Variants in FBN1 observed in about 807,000 individuals in gnomAD.
The protein encoded by FBN1 is fibrillin-1.
Under a neutral mutation model 365.1 loss-of-function variants are expected in FBN1, and 29 were observed. The ratio of observed to expected loss-of-function variants is 0.08; its 90% CI spans 0.06 to 0.11. The LOEUF (loss-of-function observed/expected upper bound fraction) is 0.11, where lower values mean the gene tolerates loss of function less well. Among genes scored for constraint, FBN1 ranks in the 10% least tolerant of loss-of-function variants. The pLI is 1.00. For synonymous variants in FBN1, 1,210 were observed against 1,270.5 expected (o/e 0.95, Z 1.01); for missense variants, 2,476 against 3,703.2 (o/e 0.67, Z 8.60).
chr15:48,462,914 T>A (rs2043290428), intron 42 of FBN1, among the ~76,000 whole-genome samples, 168 bp downstream of exon 42: 1 of 152,246 alleles, frequency 6.6e-6, no homozygotes, highest in African/African-American at 2.4e-5. Context: ...TGACTCAGTG[T>A]TCGGCTGGAA....
rs747274959 is a variant in FBN1 at position 48,494,257 on chromosome 15, G to A, written c.2678-3C>T. On this transcript the variant is annotated splice_polypyrimidine_tract_variant and splice_region_variant and intron_variant, in intron 22 of 65. Transcript: ENST00000316623. ...GTACCCTTTACCACATATGGGATCT[G>A]TAATAAAAAGCGAAAAACAAAACAG... The A allele has an allele frequency of 1.6e-5, 25 of 1,611,964 alleles. No individual in the cohort carries two copies. In the Admixed American group the frequency reaches 2.8e-4, roughly 18 times the overall value.
chr15:48,626,801 A>T (rs575772262), intron 2 of FBN1, among the ~76,000 whole-genome samples: 1 of 152,310 alleles, frequency 6.6e-6, no homozygotes, highest in African/African-American at 2.4e-5. Flanking sequence ...AAATAGTCTA[A>T]TTTAAATTTA....
At position 48,410,789 on chromosome 15, in the gene FBN1, G is replaced by C. The variant is rs974737007; in HGVS notation, c.*201C>G. The C allele has an allele frequency of 1.7e-5, 10 of 586,766 alleles. No individual in the cohort carries two copies. In the East Asian group the frequency reaches 2.9e-4, roughly 17 times the overall value. 36.3% of individuals were successfully genotyped at this position (586,766 alleles called of 1,614,324 possible). The stretch of plus-strand genomic sequence containing the variant: ...GACAAGGTAGCTTAGCTACACACAT[G>C]AGAAGCCTGAGAAAGTGGTTGTTTT... On this transcript the variant is annotated 3_prime_UTR_variant, in exon 66 of 66. Transcript: ENST00000316623.
chr15:48,431,308 C>G (rs1235744824), intron 55 of FBN1, among the ~76,000 whole-genome samples: 1 of 151,726 alleles, frequency 6.6e-6, no homozygotes, highest in Non-Finnish European at 1.5e-5. Context: ...ACCATGTTGT[C>G]CAGTCTGGTC....
At chr15:48,443,835 C>T (rs2043134634) in intron 49 of FBN1, among the ~76,000 whole-genome samples, 1 of 152,040 alleles carries the variant, frequency 6.6e-6, no homozygotes, top group Non-Finnish European at 1.5e-5. Flanking sequence ...GAGTTTGAGG[C>T]CAGCCTGGCA....
At chr15:48,630,679 C>A (rs2140764415) in intron 2 of FBN1, among the ~76,000 whole-genome samples, 1 of 145,590 alleles carries the variant, frequency 6.9e-6, no homozygotes, top group South Asian at 2.2e-4. Flanking sequence ...TTGCAGTGAG[C>A]CGAGATTGTG....
chr15:48,443,626 A>G (rs2043132922), intron 49 of FBN1, among the ~76,000 whole-genome samples: 1 of 152,244 alleles, frequency 6.6e-6, no homozygotes, highest in Admixed American at 6.5e-5. Context: ...TTAAAAGTAG[A>G]GAAAATTCTC....
intron 7 of FBN1, among the ~76,000 whole-genome samples, chr15:48,535,931 A>T (rs1407721056): frequency 6.6e-6 from 1 of 152,206 alleles, no homozygotes; most frequent in African/African-American, 2.4e-5. Context: ...TGTCTTGTTG[A>T]TCATGATTTC....
intron 44 of FBN1, 98 bp from the exon 45 acceptor site, chr15:48,452,782 C>A (rs953297970): frequency 7.2e-7 from 1 of 1,388,360 alleles, no homozygotes; most frequent in African/African-American, 1.4e-5. Flanking sequence ...TTATTTTGAT[C>A]TGTTCTATTG....
intron 15 of FBN1, among the ~76,000 whole-genome samples, chr15:48,506,893 C>T (rs2043712773): frequency 6.6e-6 from 1 of 152,058 alleles, no homozygotes; most frequent in African/African-American, 2.4e-5. Context: ...AAAAATAAGA[C>T]ATTGATAATA....
chr15:48,591,882 G>C (rs1268673580), intron 6 of FBN1, among the ~76,000 whole-genome samples: 1 of 152,128 alleles, frequency 6.6e-6, no homozygotes, highest in Admixed American at 6.5e-5. Context: ...AGGCTTAGGA[G>C]CCAGAATGTC....
chr15:48,412,277 C>A (rs931224809), intron 65 of FBN1, among the ~76,000 whole-genome samples: 5 of 152,206 alleles, frequency 3.3e-5, no homozygotes, highest in Non-Finnish European at 5.9e-5. Flanking sequence ...TGTCCTGGAT[C>A]TCAGACCTTA....
intron 29 of FBN1, among the ~76,000 whole-genome samples, chr15:48,486,080 A>G (rs2043504087): frequency 6.6e-6 from 1 of 152,242 alleles, no homozygotes; most frequent in Non-Finnish European, 1.5e-5. Context: ...TGTGGCCAGG[A>G]GACAGATGAA....
intron 6 of FBN1, among the ~76,000 whole-genome samples, chr15:48,570,934 T>A (rs2044301705): frequency 6.6e-6 from 1 of 152,144 alleles, no homozygotes; most frequent in African/African-American, 2.4e-5. Context: ...GTTATAGGCC[T>A]TCCAGGGCCT....
chr15:48,516,165 T>A lies in FBN1; in HGVS notation c.1327+18A>T. 1 of 1,608,916 alleles carries A rather than the reference T, an allele frequency of 6.2e-7. No individual in the cohort carries two copies. Among genetic ancestry groups the A allele is most frequent in the Middle Eastern group, 1.7e-4 (1 of 5,908 alleles). On this transcript the variant is annotated intron_variant, in intron 11 of 65. Coordinates refer to ENST00000316623, the MANE Select transcript of FBN1 (RefSeq NM_000138.5). ...GAACAATGCAAGAAAAATAACTAGA[T>A]GATTTTTGAATTCTTACTTGGTGGC...
Position 48,483,918 on chromosome 15 carries a change from G to A in FBN1, c.3738C>T (p.Pro1246=). ...CTDIDECEDN[P]NICDGGQCTN... The stretch of plus-strand genomic sequence containing the variant: ...TGCACTGACCACCATCACAGATATT[G>A]GGATTATCTTCACACTCATCGATGT... The change falls in exon 31 of 66, where the codon CCC becomes CCT. Residue 1246 remains proline, a synonymous_variant. Coordinates refer to ENST00000316623, the MANE Select transcript of FBN1 (RefSeq NM_000138.5). 6.2e-7 allele frequency: 1 copy of A among 1,613,298 alleles called. No homozygotes were observed.
chr15:48,615,869 T>C (rs555649084), intron 2 of FBN1, among the ~76,000 whole-genome samples: 2 of 152,306 alleles, frequency 1.3e-5, no homozygotes, highest in African/African-American at 4.8e-5. Flanking sequence ...ACATGGTAGA[T>C]GGTGTTACAT....
At chr15:48,503,711 T>G in intron 17 of FBN1, 76 bp downstream of exon 17, 12 of 1,598,748 alleles carry the variant, frequency 7.5e-6, no homozygotes, top group Non-Finnish European at 1.0e-5. Flanking sequence ...ATCTTCCCTG[T>G]GAATTCCACA....
Position 48,465,782 on chromosome 15 carries a change from A to C in FBN1, c.4816+8T>G. On this transcript the variant is annotated splice_region_variant and intron_variant, in intron 39 of 65. Coordinates refer to ENST00000316623, the MANE Select transcript of FBN1 (RefSeq NM_000138.5). ...GTGTGTGCTTTAAGACAAAGGAAAC[A>C]CAATTACCTTCCAATATAACGGTGA... The C allele has an allele frequency of 6.2e-7, 1 of 1,612,952 alleles. No homozygotes were observed. Among genetic ancestry groups the C allele is most frequent in the Non-Finnish European group, 8.5e-7 (1 of 1,178,968 alleles).
Sources: gnomAD v4.1 joint callset for allele counts (sites outside exome capture counted in the v4.1 genomes callset) on GRCh38, gnomAD v4.1.1 for gene constraint, MANE v1.5 for transcripts, NCBI Gene and HGNC (gene_info 2026-07-23, HGNC 2026-07-21) for gene names.